The following EVC2 variants were observed in gnomAD, a reference collection of about 807,000 sequenced individuals.
The protein encoded by EVC2 is EvC ciliary complex subunit 2, also known as limbin.
A neutral mutation model predicts 149.3 loss-of-function variants in EVC2; 148 were observed. The observed-to-expected ratio is 0.99, with a 90% CI of 0.87 to 1.14. The LOEUF (loss-of-function observed/expected upper bound fraction) is 1.14, where lower values mean the gene tolerates loss of function less well. Among genes scored for constraint, EVC2 ranks in the 50% most tolerant of loss-of-function variants. The pLI is 0.00. For missense variants in EVC2, 1,854 were observed against 1,627.3 expected (o/e 1.14, Z -2.40); for synonymous variants, 776 against 649.9 (o/e 1.19, Z -2.95).
At chr4:5,699,148 C>T (rs775923669) in intron 1 of EVC2, among the ~76,000 whole-genome samples, 14 of 151,956 alleles carry the variant, frequency 9.2e-5, no homozygotes, top group Non-Finnish European at 1.3e-4. Flanking sequence ...TGGAGGGACA[C>T]GGAGGAAATG....
rs527824064 is a variant in EVC2, at chr4:5,576,759, C to T, written c.3058-305G>A. ...AACTCCTTGGTGAAGGGCTCCTCAG[C>T]GAAAGGATCCCTGAGTTCCTTGGGA... On this transcript the variant is annotated intron_variant, in intron 17 of 21. Coordinates refer to ENST00000344408, the MANE Select transcript of EVC2 (RefSeq NM_147127.5). This position sits in a 1 kb window ranked among gnomAD's most constrained non-coding sequence, Gnocchi z 4.5. Among the ~76,000 whole-genome samples the T allele has an allele frequency of 1.3e-5, 2 of 152,338 alleles. No homozygotes were observed. The highest frequency in any genetic ancestry group is 1.9e-4 in the East Asian group (1 of 5,186).
At chr4:5,607,243 G>A (rs575107894) in intron 16 of EVC2, among the ~76,000 whole-genome samples, 43 of 152,170 alleles carry the variant, frequency 2.8e-4, no homozygotes, top group Non-Finnish European at 4.7e-4. Context: ...TGAGATGTAC[G>A]ATCTCTCTAC....
chr4:5,534,412 C>A, the EVC2 span, among the ~76,000 whole-genome samples: 3 of 152,068 alleles, frequency 2.0e-5, no homozygotes, highest in African/African-American at 7.2e-5. Flanking sequence ...AAAACAGAGG[C>A]ATCATATAAA....
At chr4:5,611,549 T>C (rs981428045) in intron 16 of EVC2, among the ~76,000 whole-genome samples, 2 of 152,122 alleles carry the variant, frequency 1.3e-5, no homozygotes, top group African/African-American at 4.8e-5. Flanking sequence ...GAGGTTAAGA[T>C]ATTTTCAGTA....
chr4:5,683,927 C>T (rs1289626485), intron 6 of EVC2, among the ~76,000 whole-genome samples: 2 of 151,770 alleles, frequency 1.3e-5, no homozygotes, highest in Non-Finnish European at 2.9e-5. Context: ...CGGGAACACA[C>T]ACACAGCTGC....
Position 5,633,529 on chromosome 4 carries a change from C to T in EVC2, c.1471-1497G>A, listed in dbSNP as rs1716696065. On this transcript the variant is annotated intron_variant, in intron 10 of 21. Coordinates refer to ENST00000344408, the MANE Select transcript of EVC2 (RefSeq NM_147127.5). This position sits in a 1 kb window ranked among gnomAD's most constrained non-coding sequence, Gnocchi z 4.4. ...AGCGTGTTGAAAGCAAGTGTTCAGG[C>T]TCCAAGCTCTGAAACCACTCAAGGC... Among the ~76,000 whole-genome samples, 1 of 152,218 alleles carries T rather than the reference C, an allele frequency of 6.6e-6. No homozygotes were observed. Among genetic ancestry groups the T allele is most frequent in the Non-Finnish European group, 1.5e-5 (1 of 68,038 alleles).
intron 9 of EVC2, 61 bp downstream of exon 9, chr4:5,663,046 G>A: frequency 1.2e-6 from 2 of 1,604,854 alleles, no homozygotes; most frequent in South Asian, 2.2e-5. Flanking sequence ...TTGGCCTTAT[G>A]TCACTGTCGT....
chr4:5,558,370 G>C (rs1023372798), downstream of EVC2, among the ~76,000 whole-genome samples: 1 of 152,260 alleles, frequency 6.6e-6, no homozygotes, highest in East Asian at 1.9e-4. Context: ...AGGTGGAGGA[G>C]GTAAAAGATT....
At chr4:5,552,809 C>T (rs1403567354) in intron 21 of EVC2, among the ~76,000 whole-genome samples, 1 of 152,048 alleles carries the variant, frequency 6.6e-6, no homozygotes. Context: ...AAGAGGAAGC[C>T]GAGGTAGAGA....
At chr4:5,595,832 T>C (rs1713354681) in intron 16 of EVC2, among the ~76,000 whole-genome samples, 1 of 152,110 alleles carries the variant, frequency 6.6e-6, no homozygotes, top group African/African-American at 2.4e-5. Context: ...CCATCTCACA[T>C]GCAGAGACAC....
chr4:5,641,053 A>G (rs1361291023), intron 9 of EVC2, among the ~76,000 whole-genome samples: 1 of 152,236 alleles, frequency 6.6e-6, no homozygotes, highest in Non-Finnish European at 1.5e-5. Context: ...GTGATGTACA[A>G]AAAAGAATAT....
chr4:5,551,088 A>G (rs1273995124), intron 21 of EVC2, among the ~76,000 whole-genome samples: 1 of 152,210 alleles, frequency 6.6e-6, no homozygotes, highest in Non-Finnish European at 1.5e-5. Context: ...GGGCAGTGTG[A>G]AAGGAAAATG....
At chr4:5,557,281 T>C (rs534806130) in intron 21 of EVC2, among the ~76,000 whole-genome samples, 1 of 152,158 alleles carries the variant, frequency 6.6e-6, no homozygotes, top group African/African-American at 2.4e-5. Flanking sequence ...TCTGAAATCA[T>C]TTAATGGAAT....
chr4:5,691,191 A>G (rs1471544287), intron 4 of EVC2, 74 bp downstream of exon 4: 3 of 1,317,120 alleles, frequency 2.3e-6, no homozygotes, highest in Non-Finnish European at 3.3e-6. Flanking sequence ...TCTTAAATAC[A>G]TGACTCTAAT....
chr4:5,706,205 T>G (rs1335391877), intron 1 of EVC2, among the ~76,000 whole-genome samples: 1 of 151,362 alleles, frequency 6.6e-6, no homozygotes, highest in Non-Finnish European at 1.5e-5. Flanking sequence ...CTCCCCATCC[T>G]CCTCCTCACA....
rs1488380104 is a variant in EVC2 at position 5,650,620 on chromosome 4, TATATATATATATATATATAGAGAGAG to T, written c.1146-9808_1146-9783del. Among the ~76,000 whole-genome samples, 70 of 81,376 alleles carry T rather than the reference TATATATATATATATATATAGAGAGAG, an allele frequency of 8.6e-4. 1 individual carries two copies. The highest frequency in any genetic ancestry group is 2.7e-3 in the African/African-American group (64 of 24,116). 53.4% of individuals were successfully genotyped at this position (81,376 alleles called of 152,430 possible). A position where few individuals can be genotyped will look rare whatever the true frequency, so the allele number is the denominator to read the frequency against. On this transcript the variant is annotated intron_variant, in intron 9 of 21. Coordinates refer to ENST00000344408, the MANE Select transcript of EVC2 (RefSeq NM_147127.5). Reference sequence around the variant, plus strand: ...TTTAATCGCCATATATATATATATATATATATATATATATATATAGAGAGAGAGAGAGAGAGAGAGAGAGAGAGAGA... The same window carrying T: ...TTTAATCGCCATATATATATATATATAGAGAGAGAGAGAGAGAGAGAGAGA...
chr4:5,702,453 C>T (rs73200129), intron 1 of EVC2, among the ~76,000 whole-genome samples: 14,511 of 152,236 alleles, frequency 0.095, 937 homozygotes, highest in Non-Finnish European at 0.14. Flanking sequence ...ATAGACATTG[C>T]GAAAGAATGG....
At chr4:5,561,206 G>T (rs1194521876), downstream of EVC2, among the ~76,000 whole-genome samples, 7 of 152,198 alleles carry the variant, frequency 4.6e-5, no homozygotes. Context: ...AAAAGGTAGA[G>T]AAGAACATAG....
At chr4:5,565,471 G>C (rs1392897310) in intron 20 of EVC2, 112 bp from the exon 21 acceptor site, 6 of 908,304 alleles carry the variant, frequency 6.6e-6, no homozygotes, top group African/African-American at 1.7e-5. Context: ...AGGAGTTCAA[G>C]ACCAGCCTGG....
Sources: allele counts gnomAD v4.1 joint callset (sites outside exome capture counted in the v4.1 genomes callset), GRCh38; gene constraint gnomAD v4.1.1; non-coding constraint Gnocchi (gnomAD v3.1); transcripts MANE v1.5; gene names NCBI Gene and HGNC (gene_info 2026-07-23, HGNC 2026-07-21).